Variants in PKM observed in about 807,000 individuals in gnomAD.
PKM encodes pyruvate kinase M1/2, also known as pyruvate kinase PKM.
A neutral mutation model predicts 49.8 loss-of-function variants in PKM; 18 were observed. That is an observed-to-expected ratio of 0.36 (90% confidence interval 0.25 to 0.54). The LOEUF (loss-of-function observed/expected upper bound fraction) is 0.54. Among genes scored for constraint, PKM ranks in the 20% least tolerant of loss-of-function variants. The pLI is 0.89. For missense variants in PKM, 508 were observed against 713.8 expected (o/e 0.71, Z 3.28); for synonymous variants, 239 against 261.8 (o/e 0.91, Z 0.84).
chr15:72,230,309 C>T (rs1238047282), intron 1 of PKM, among the ~76,000 whole-genome samples: 1 of 152,148 alleles, frequency 6.6e-6, no homozygotes, highest in African/African-American at 2.4e-5. Flanking sequence ...CGCCGCATCC[C>T]GCCCGCCGCG....
In PKM at chr15:72,208,930, G is replaced by A. The variant is rs1461184288; in HGVS notation, c.566-39C>T. 3.1e-6 allele frequency: 5 copies of A among 1,598,472 alleles called. No homozygotes were observed. In the Admixed American group the frequency reaches 7.0e-5, roughly 22 times the overall value. ...GGTAAGTAGGGGAGGCAGAGCACGA[G>A]GGCACAGGTCAACAGGAAGCAGGCA... On this transcript the variant is annotated intron_variant, in intron 5 of 10. Transcript: ENST00000335181.
At chr15:72,229,647 C>G in intron 1 of PKM, 1 of 1,253,226 alleles carries the variant, frequency 8.0e-7, no homozygotes, top group Non-Finnish European at 1.0e-6. Context: ...GGCTTCCTGT[C>G]CCCCTCCCTC....
chr15:72,209,786 T>G lies in PKM; in HGVS notation c.452A>C (p.Lys151Thr). The G allele has an allele frequency of 6.2e-7, 1 of 1,613,926 alleles. No individual in the cohort carries two copies. Among genetic ancestry groups the G allele is most frequent in the Non-Finnish European group, 8.5e-7 (1 of 1,179,870 alleles). ...CAGCCACAGGATGTTCTCGTCACAC[T>G]TTTCCATGTAGGCGTTATCCAGCGT... ...KITLDNAYMEKCDENILWLDY... is the reference protein window; with the variant it reads ...KITLDNAYMETCDENILWLDY... The change falls in exon 5 of 11, where the codon AAG becomes ACG. Residue 151 changes from lysine to threonine, a missense_variant. By Grantham distance (78) the Lys-to-Thr change is moderately conservative. Transcript: ENST00000335181.
At chr15:72,219,145 C>A (rs2082456810) in intron 1 of PKM, 35 bp from the exon 2 acceptor site, 4 of 1,592,494 alleles carry the variant, frequency 2.5e-6, no homozygotes, top group Non-Finnish European at 3.4e-6. Context: ...AGTGGTAAGA[C>A]TGAGAAGTGG....
At chr15:72,203,017 C>G in intron 8 of PKM, 1 of 1,613,906 alleles carries the variant, frequency 6.2e-7, no homozygotes, top group Non-Finnish European at 8.5e-7. Context: ...CCCTTAGGGC[C>G]CTACCTGCCA....
chr15:72,226,800 C>T (rs1437622011), intron 1 of PKM, among the ~76,000 whole-genome samples: 1 of 152,212 alleles, frequency 6.6e-6, no homozygotes, highest in Admixed American at 6.5e-5. Context: ...TCCCCAGGAG[C>T]TTTGTCTATG....
In PKM at chr15:72,199,740, G is replaced by A. The variant is rs771602110; in HGVS notation, c.1506C>T (p.Phe502=). 5.0e-6 allele frequency: 8 copies of A among 1,613,572 alleles called. No homozygotes were observed. Among genetic ancestry groups the A allele is most frequent in the Admixed American group, 3.3e-5 (2 of 59,996 alleles). ...CAATGACCACATCTCCCTTCTTGAA[G>A]AAGCCTCGGGCCTTGCCTGGAGGAA... ...FAMNVGKARG[F]FKKGDVVIVL... is the part of the protein sequence containing the mutation. The change falls in exon 11 of 11, where the codon TTC becomes TTT. Residue 502 remains phenylalanine (F), a synonymous_variant. Transcript: ENST00000335181.
intron 1 of PKM, among the ~76,000 whole-genome samples, chr15:72,226,834 T>C (rs764370405): frequency 6.6e-6 from 1 of 152,208 alleles, no homozygotes; most frequent in Non-Finnish European, 1.5e-5. Context: ...GAGGTGAGTC[T>C]CAGAGGCCAC....
In PKM at chr15:72,230,962, TCTC is replaced by T. The variant is rs773150598; in HGVS notation, c.-14+151_-14+153del. On this transcript the variant is annotated intron_variant, in intron 1 of 10. Transcript: ENST00000335181. ...GCAGGCCCCAGGCGTGAGGAGCCGT[TCTC>T]CTCTCTCTGAGCTCCACTGCATCCC... 6 of 1,286,188 alleles carry T rather than the reference TCTC, an allele frequency of 4.7e-6. No individual in the cohort carries two copies. In the African/African-American group the frequency reaches 6.1e-5, roughly 13 times the overall value. The allele number at this position is 1,286,188 out of a possible 1,614,324, so 79.7% of individuals were successfully genotyped here.
chr15:72,209,062 TA>T (rs2082163013), intron 5 of PKM, 171 bp from the exon 6 acceptor site: 1 of 708,492 alleles, frequency 1.4e-6, no homozygotes, highest in East Asian at 2.7e-5. Flanking sequence ...GCAAGCCATT[TA>T]ACCTCTCTGT....
At chr15:72,205,778 G>GT (rs1042788860) in intron 8 of PKM, among the ~76,000 whole-genome samples, 7 of 152,078 alleles carry the variant, frequency 4.6e-5, no homozygotes, top group African/African-American at 1.7e-4. Context: ...TCTGGATAAA[G>GT]TTTAAGTTCA....
At chr15:72,229,186 T>C (rs1021968579) in intron 1 of PKM, among the ~76,000 whole-genome samples, 1 of 152,236 alleles carries the variant, frequency 6.6e-6, no homozygotes, top group South Asian at 2.1e-4. Context: ...TGCTCAATTG[T>C]GGACTAAGTA....
At chr15:72,228,653 C>T in intron 1 of PKM, 1 of 1,284,108 alleles carries the variant, frequency 7.8e-7, no homozygotes, top group Non-Finnish European at 1.0e-6. Flanking sequence ...CACTCCCCCA[C>T]AGATTTGGTG....
At chr15:72,229,583 T>C in intron 1 of PKM, 3 of 1,287,320 alleles carry the variant, frequency 2.3e-6, no homozygotes, top group South Asian at 2.5e-5. Context: ...GACTGGAAGG[T>C]GCTTTCCTGC....
At position 72,202,329 on chromosome 15, in the gene PKM, G is replaced by T; in HGVS notation, c.1307+125C>A. On this transcript the variant is annotated intron_variant, in intron 9 of 10. Transcript: ENST00000335181. The surrounding 1 kb of genome is among the most constrained non-coding windows in gnomAD (Gnocchi z 4.5). ...CAATCCTTCCCTGCAGGCCCAAGGT[G>T]GCAGGCAGAGGGGTCTTACCTTGGC... 1 of 960,076 alleles carries T rather than the reference G, an allele frequency of 1.0e-6. No individual in the cohort carries two copies. The highest frequency in any genetic ancestry group is 1.6e-6 in the Non-Finnish European group (1 of 618,204). 59.5% of individuals were successfully genotyped at this position (960,076 alleles called of 1,614,324 possible). A position where few individuals can be genotyped will look rare whatever the true frequency, so the allele number is the denominator to read the frequency against.
At chr15:72,225,021 A>G (rs1409585678) in intron 1 of PKM, among the ~76,000 whole-genome samples, 1 of 145,350 alleles carries the variant, frequency 6.9e-6, no homozygotes, top group East Asian at 2.1e-4. Context: ...TCCCAGGTTC[A>G]GGCCATTCTC....
At chr15:72,208,977 G>T in intron 5 of PKM, 86 bp from the exon 6 acceptor site, 2 of 1,416,712 alleles carry the variant, frequency 1.4e-6, no homozygotes, top group Non-Finnish European at 9.8e-7. Context: ...AGGACAGTGA[G>T]CTGGGAAGTG....
chr15:72,206,279 G>A (rs1273801009), intron 8 of PKM: 2 of 194,750 alleles, frequency 1.0e-5, no homozygotes, highest in Non-Finnish European at 2.2e-5. Flanking sequence ...GGGGCAGAGG[G>A]AACTGAATTG....
intron 8 of PKM, chr15:72,203,090 G>A (rs1377153560): frequency 1.2e-6 from 2 of 1,614,052 alleles, no homozygotes; most frequent in Admixed American, 3.3e-5. Flanking sequence ...CGCTGCCCAT[G>A]GCCATGGCTT....
Sources: gnomAD v4.1 joint callset for allele counts (sites outside exome capture counted in the v4.1 genomes callset) on GRCh38, gnomAD v4.1.1 for gene constraint, Gnocchi (gnomAD v3.1) non-coding constraint, MANE v1.5 for transcripts, NCBI Gene and HGNC (gene_info 2026-07-23, HGNC 2026-07-21) for gene names.